The following CNBD1 variants were observed in gnomAD, a reference collection of about 807,000 sequenced individuals.
The protein encoded by CNBD1 is cyclic nucleotide binding domain containing 1, also known as cyclic nucleotide-binding domain-containing protein 1.
A neutral mutation model predicts 54.4 loss-of-function variants in CNBD1; 71 were observed. That is an observed-to-expected ratio of 1.30 (90% CI 1.08 to 1.59). CNBD1 has a LOEUF of 1.59. CNBD1 is among the 40% of genes most tolerant of loss of function. The pLI, the probability that CNBD1 is intolerant of heterozygous loss-of-function variation, is 0.00. For synonymous variants in CNBD1, 182 were observed against 170.7 expected, an observed-to-expected ratio of 1.07 and a Z score of -0.51; for missense variants, 659 against 518.0, an observed-to-expected ratio of 1.27 and a Z score of -2.64.
At chr8:87,313,300 G>T (rs941275826) in intron 8 of CNBD1, among the ~76,000 whole-genome samples, 1 of 152,020 alleles carries the variant, frequency 6.6e-6, no homozygotes, top group African/African-American at 2.4e-5. Flanking sequence ...AATGTAAAAT[G>T]TAAATCAAAT....
At chr8:87,335,450 A>G (rs1470778797) in intron 8 of CNBD1, among the ~76,000 whole-genome samples, 1 of 152,134 alleles carries the variant, frequency 6.6e-6, no homozygotes, top group Non-Finnish European at 1.5e-5. Flanking sequence ...TCCCTTTATC[A>G]TTATGTAATG....
chr8:87,386,233 C>T (rs1043338236), downstream of CNBD1, among the ~76,000 whole-genome samples: 1 of 152,166 alleles, frequency 6.6e-6, no homozygotes, highest in African/African-American at 2.4e-5. Context: ...AATGCAGCTC[C>T]TCACCAGCAA....
rs558487357 is a variant in CNBD1 at position 87,110,405 on chromosome 8, CCTT to C, written c.432-95585_432-95583del. Among the ~76,000 whole-genome samples, 645 of 152,224 alleles carry C rather than the reference CCTT, an allele frequency of 4.2e-3. 2 individuals are homozygous for C. Among genetic ancestry groups the C allele is most frequent in the Middle Eastern group, 0.027 (8 of 294 alleles). On this transcript the variant is annotated intron_variant, in intron 4 of 10. Coordinates refer to ENST00000518476, the MANE Select transcript of CNBD1 (RefSeq NM_173538.3). ...TGCTCTGGACCCCACCCAAAAATGA[CCTT>C]CTGCATCACCTAATGAATGGGTCAG...
chr8:87,144,757 C>T (rs6997002), intron 4 of CNBD1, among the ~76,000 whole-genome samples: 1 of 150,042 alleles, frequency 6.7e-6, no homozygotes, highest in Non-Finnish European at 1.5e-5. Context: ...GGAGGCAGAG[C>T]TTGCAGTGAG....
chr8:87,099,763 T>A (rs1343712360), intron 4 of CNBD1, among the ~76,000 whole-genome samples: 1 of 152,206 alleles, frequency 6.6e-6, no homozygotes, highest in Non-Finnish European at 1.5e-5. Context: ...GATTTTGACA[T>A]AATCATCTTT....
At chr8:87,210,887 C>T (rs1041985516) in intron 5 of CNBD1, among the ~76,000 whole-genome samples, 5 of 152,136 alleles carry the variant, frequency 3.3e-5, no homozygotes, top group Non-Finnish European at 2.9e-5. Context: ...CTAGTTGGAC[C>T]TGTGGGAAGG....
intron 4 of CNBD1, among the ~76,000 whole-genome samples, chr8:87,089,637 A>G (rs1481249635): frequency 6.6e-6 from 1 of 152,092 alleles, no homozygotes; most frequent in Non-Finnish European, 1.5e-5. Context: ...GCTTCTTTCA[A>G]TAAAGAAATT....
At chr8:87,178,234 C>A (rs1292013324) in intron 4 of CNBD1, among the ~76,000 whole-genome samples, 1 of 152,036 alleles carries the variant, frequency 6.6e-6, no homozygotes, top group South Asian at 2.1e-4. Context: ...TGTATTGGAA[C>A]ATGATTAGTG....
downstream of CNBD1, among the ~76,000 whole-genome samples, chr8:87,387,402 T>A (rs1451505564): frequency 1.3e-5 from 2 of 151,708 alleles, no homozygotes; most frequent in East Asian, 1.9e-4. Context: ...AATAAAAGGA[T>A]GGAGGAAGAT....
chr8:86,986,673 T>C (rs1808614902), intron 4 of CNBD1, among the ~76,000 whole-genome samples: 1 of 152,230 alleles, frequency 6.6e-6, no homozygotes, highest in South Asian at 2.1e-4. Context: ...TTAATCCATC[T>C]TGAGTTTATT....
intron 6 of CNBD1, among the ~76,000 whole-genome samples, chr8:87,283,614 T>C (rs1038857363): frequency 2.0e-5 from 3 of 152,130 alleles, no homozygotes; most frequent in Non-Finnish European, 2.9e-5. Flanking sequence ...AGGTTCTTGA[T>C]TTTCTAACAA....
intron 2 of CNBD1, among the ~76,000 whole-genome samples, chr8:87,407,335 G>C (rs1227021242): frequency 2.6e-5 from 4 of 151,690 alleles, no homozygotes; most frequent in African/African-American, 9.7e-5. Context: ...ACTTATGTCA[G>C]TACTCAGTAC....
intron 4 of CNBD1, among the ~76,000 whole-genome samples, chr8:87,092,701 T>TA (rs1028464274): frequency 2.0e-5 from 3 of 151,838 alleles, no homozygotes; most frequent in Admixed American, 6.6e-5. Context: ...TTTTACTTTT[T>TA]AAAAAAAATT....
chr8:87,388,958 A>G (rs937544172), intron 2 of CNBD1, among the ~76,000 whole-genome samples: 1 of 152,200 alleles, frequency 6.6e-6, no homozygotes, highest in Non-Finnish European at 1.5e-5. Context: ...ATGCAAATCA[A>G]TAATTGTAAT....
At chr8:87,159,638 C>T (rs550859779) in intron 4 of CNBD1, among the ~76,000 whole-genome samples, 20 of 152,156 alleles carry the variant, frequency 1.3e-4, no homozygotes, top group Admixed American at 1.3e-3. Flanking sequence ...AGTTGGACTG[C>T]TGGTGTGGAA....
intron 4 of CNBD1, among the ~76,000 whole-genome samples, chr8:86,997,212 A>G (rs540078740): frequency 6.6e-6 from 1 of 152,176 alleles, no homozygotes; most frequent in South Asian, 2.1e-4. Context: ...GTTTCTTTTT[A>G]CCTTTGTGGG....
intron 4 of CNBD1, among the ~76,000 whole-genome samples, chr8:87,046,024 G>C (rs1196622164): frequency 4.1e-4 from 42 of 103,566 alleles, no homozygotes; most frequent in Non-Finnish European, 6.7e-4. Context: ...CTGGGAGACA[G>C]AACAAGACTT....
intron 10 of CNBD1, among the ~76,000 whole-genome samples, chr8:87,374,395 T>TA (rs1225238157): frequency 6.6e-6 from 1 of 151,834 alleles, no homozygotes; most frequent in Non-Finnish European, 1.5e-5. Flanking sequence ...GCACAAATGA[T>TA]AAAAAATACC....
chr8:87,214,329 G>C (rs997356644), intron 5 of CNBD1, among the ~76,000 whole-genome samples: 13 of 152,288 alleles, frequency 8.5e-5, no homozygotes, highest in African/African-American at 3.1e-4. Context: ...GGGGCAAAAT[G>C]CTGCCAGTCT....
Sources: allele counts gnomAD v4.1 joint callset (sites outside exome capture counted in the v4.1 genomes callset), GRCh38; gene constraint gnomAD v4.1.1; transcripts MANE v1.5; gene names NCBI Gene and HGNC (gene_info 2026-07-23, HGNC 2026-07-21).